The following ZNF518A variants were observed in gnomAD, a reference collection of about 807,000 sequenced individuals.
The protein encoded by ZNF518A is zinc finger protein 518A, also known as zinc finger protein 518.
ZNF518A carries 47 observed loss-of-function variants against 102.7 expected under a neutral mutation model. The ratio of observed to expected loss-of-function variants is 0.46; its 90% confidence interval spans 0.36 to 0.58. The LOEUF (loss-of-function observed/expected upper bound fraction) is 0.58. Ranked by LOEUF, ZNF518A falls within the 20% of genes least tolerant of loss-of-function variation. ZNF518A has a pLI of 0.00. For missense variants in ZNF518A, 1,793 were observed against 1,699.8 expected, an observed-to-expected ratio of 1.05 and a Z score of -0.96; for synonymous variants, 652 against 594.6, an observed-to-expected ratio of 1.10 and a Z score of -1.40.
intron 3 of ZNF518A, among the ~76,000 whole-genome samples, chr10:96,145,966 A>T (rs2082153167): frequency 6.6e-6 from 1 of 152,186 alleles, no homozygotes; most frequent in Non-Finnish European, 1.5e-5. Context: ...CACTGACCTA[A>T]GAGTAACCAG....
intron 4 of ZNF518A, 182 bp downstream of exon 4, chr10:96,155,558 G>A (rs2082658228): frequency 6.6e-6 from 1 of 152,184 alleles, no homozygotes; most frequent in African/African-American, 2.4e-5. Flanking sequence ...TGGTGCTGCT[G>A]TTCTTTTTAA....
At chr10:96,183,142 G>A (rs1186633383) in intron 1 of ZNF518A, among the ~76,000 whole-genome samples, 3 of 152,152 alleles carry the variant, frequency 2.0e-5, no homozygotes, top group African/African-American at 7.2e-5. Context: ...ATGGTACTTT[G>A]TGTTTCTGTG....
At chr10:96,142,305 G>GGGGGGTGTGTGTGTGT (rs1299273019) in intron 3 of ZNF518A, among the ~76,000 whole-genome samples, 1 of 104,048 alleles carries the variant, frequency 9.6e-6, no homozygotes, top group Non-Finnish European at 2.3e-5. Flanking sequence ...ATATTCTTAG[G>GGGGGGTGTGTGTGTGT]GTGTGTGTGT....
rs1554886812 is a variant in ZNF518A, at chr10:96,160,072, T to C, written c.3750T>C (p.Thr1250=). Reference sequence around the variant, plus strand: ...AGAGGAACTTCAATAGAAAAAAGACTTCCAAAAAAATTTTTTCAAAAACAA... The same window carrying C: ...AGAGGAACTTCAATAGAAAAAAGACCTCCAAAAAAATTTTTTCAAAAACAA... ...RIERNFNRKK[T]SKKIFSKTKT... is the part of the protein sequence containing the mutation. The change falls in exon 6 of 6, where the codon ACT becomes ACC. Residue 1250 remains threonine, a synonymous_variant. Transcript: ENST00000316045. The C allele has an allele frequency of 1.2e-6, 2 of 1,609,058 alleles. No individual in the cohort carries two copies. The highest frequency in any genetic ancestry group is 1.7e-6 in the Non-Finnish European group (2 of 1,178,778).
rs2082954812 is a variant in ZNF518A, at chr10:96,160,511, A to G, written c.4189A>G (p.Lys1397Glu). ...GAAACCAGTTTGTTATAACCCTCCT[A>G]AAACAACTTATGATGATTTTTCCAA... The part of the protein sequence containing the change: ...LLKPVCYNPP[K>E]TTYDDFSKRH... Residue 1397 changes from lysine (K) to glutamate (E), a missense_variant, in exon 6 of 6, where the codon AAA becomes GAA. Physicochemically the swap from Lys to Glu is moderately conservative, Grantham distance 56 (BLOSUM62 1). Around this residue, in one of 3 missense-constraint regions of ZNF518A, gnomAD observed 1,741 missense variants for 1,622.6 expected, o/e 1.07. Coordinates refer to ENST00000316045, the MANE Select transcript of ZNF518A (RefSeq NM_001330736.2). The G allele has an allele frequency of 1.2e-6, 2 of 1,612,646 alleles. No individual in the cohort carries two copies. Among genetic ancestry groups the G allele is most frequent in the South Asian group, 2.2e-5 (2 of 90,858 alleles).
intron 1 of ZNF518A, among the ~76,000 whole-genome samples, chr10:96,185,387 A>T (rs2083266009): frequency 6.6e-6 from 1 of 151,992 alleles, no homozygotes; most frequent in Non-Finnish European, 1.5e-5. Flanking sequence ...GAGAAGAGGC[A>T]CTCTGGCTTT....
In ZNF518A at chr10:96,160,416, A is replaced by G; in HGVS notation, c.4094A>G (p.Lys1365Arg). The G allele has an allele frequency of 6.2e-7, 1 of 1,613,178 alleles. No homozygotes were observed. The highest frequency in any genetic ancestry group is 2.2e-5 in the East Asian group (1 of 44,866). The part of the protein sequence containing the change: ...ADAPEVVSVM[K>R]TIAKFNGHVL... ...GCACCAGAAGTAGTAAGTGTAATGAAAACTATTGCTAAATTTAATGGACAT... is the reference window on the plus strand; with the variant it reads ...GCACCAGAAGTAGTAAGTGTAATGAGAACTATTGCTAAATTTAATGGACAT... Residue 1365 changes from lysine to arginine, a missense_variant, in exon 6 of 6, where the codon AAA becomes AGA. Physicochemically the swap from Lys to Arg is conservative, Grantham distance 26. Around this residue, in one of 3 missense-constraint regions of ZNF518A, gnomAD observed 1,741 missense variants for 1,622.6 expected, o/e 1.07. Transcript: ENST00000316045.
intron 1 of ZNF518A, among the ~76,000 whole-genome samples, chr10:96,191,018 G>C (rs1368993598): frequency 7.2e-5 from 11 of 152,130 alleles, no homozygotes; most frequent in African/African-American, 2.7e-4. Flanking sequence ...CCATGGGAGG[G>C]ACCTGGTGGG....
intron 3 of ZNF518A, among the ~76,000 whole-genome samples, chr10:96,153,324 T>C (rs1272586677): frequency 2.0e-5 from 3 of 152,232 alleles, no homozygotes; most frequent in African/African-American, 7.2e-5. Flanking sequence ...CACATCCTGG[T>C]CTCTGGAAAC....
At position 96,131,614 on chromosome 10, in the gene ZNF518A, C is replaced by G. The variant is rs2081342150; in HGVS notation, c.-453+862C>G. On this transcript the variant is annotated intron_variant, in intron 1 of 5. Transcript: ENST00000316045. ...ATAAAATGTAGGTATGTTACACAAC[C>G]AAATGTTTCCTGTTTGTTGCGTGAA... 3.9e-5 allele frequency among the ~76,000 whole-genome samples: 6 copies of G among 152,088 alleles called. No individual in the cohort carries two copies. In the South Asian group the frequency reaches 1.2e-3, roughly 32 times the overall value.
chr10:96,162,963 T>C lies in ZNF518A; in HGVS notation c.*2189T>C, dbSNP rs1191803989. ...GCAAGGTGAGCCATAGAGAGGCTTATAGTCTTCAGTACCCTAACAGCAATA... is the reference window on the plus strand; with the variant it reads ...GCAAGGTGAGCCATAGAGAGGCTTACAGTCTTCAGTACCCTAACAGCAATA... On this transcript the variant is annotated 3_prime_UTR_variant, in exon 6 of 6. Coordinates refer to ENST00000316045, the MANE Select transcript of ZNF518A (RefSeq NM_001330736.2). 6.0e-6 allele frequency: 1 copy of C among 167,002 alleles called. No individual in the cohort carries two copies. Among genetic ancestry groups the C allele is most frequent in the East Asian group, 1.9e-4 (1 of 5,202 alleles). 10.3% of individuals were successfully genotyped at this position (167,002 alleles called of 1,614,324 possible). A position where few individuals can be genotyped will look rare whatever the true frequency, so the allele number is the denominator to read the frequency against.
Position 96,157,519 on chromosome 10 carries a change from G to A in ZNF518A, c.1197G>A (p.Gly399=). 1 of 1,613,802 alleles carries A rather than the reference G, an allele frequency of 6.2e-7. No homozygotes were observed. The highest frequency in any genetic ancestry group is 8.5e-7 in the Non-Finnish European group (1 of 1,179,774). Residue 399 remains glycine (G), a synonymous_variant, in exon 6 of 6, where the codon GGG becomes GGA. Transcript: ENST00000316045. ...AGAAGCCAACTCCTCTGTCCACTGG[G>A]CAAGGTAATAGAGCTGAAGAGGGAC... The part of the protein sequence containing the change: ...ESEKPTPLST[G]QGNRAEEGPN...
At chr10:96,201,136 A>G in intron 1 of ZNF518A, 1 of 1,297,262 alleles carries the variant, frequency 7.7e-7, no homozygotes, top group South Asian at 1.2e-5. Context: ...CTAACACTGT[A>G]CTAGGTGCTG....
At chr10:96,202,055 G>C (rs12779295) in intron 1 of ZNF518A, among the ~76,000 whole-genome samples, 19,165 of 152,116 alleles carry the variant, frequency 0.13, 1,279 homozygotes, top group Middle Eastern at 0.17. Flanking sequence ...GCAAGGCCTG[G>C]CATATCTAAG....
intron 1 of ZNF518A, among the ~76,000 whole-genome samples, chr10:96,174,140 C>G (rs1902698): frequency 4.0e-4 from 61 of 151,706 alleles, no homozygotes; most frequent in Non-Finnish European, 7.1e-4. Context: ...AATAAAAAAA[C>G]TTACTGCAAC....
intron 1 of ZNF518A, among the ~76,000 whole-genome samples, chr10:96,195,239 GA>G (rs2083436337): frequency 6.6e-6 from 1 of 152,030 alleles, no homozygotes; most frequent in African/African-American, 2.4e-5. Context: ...AACTGCTATG[GA>G]AAAAAGTATG....
At chr10:96,164,309 TG>T (rs2083100638), downstream of ZNF518A, among the ~76,000 whole-genome samples, 1 of 152,252 alleles carries the variant, frequency 6.6e-6, no homozygotes, top group Non-Finnish European at 1.5e-5. Flanking sequence ...CAGAGCCATT[TG>T]GGGCGTTGGC....
At position 96,200,846 on chromosome 10, in the gene ZNF518A, A is replaced by G; in HGVS notation, n.36-2728A>G. The G allele has an allele frequency of 1.2e-6, 1 of 855,816 alleles. No individual in the cohort carries two copies. Among genetic ancestry groups the G allele is most frequent in the Non-Finnish European group, 2.0e-6 (1 of 501,534 alleles). The allele number at this position is 855,816 out of a possible 1,614,324, so 53.0% of individuals were successfully genotyped here. ...ACTGGGTATTCTGTCCCTATTACCAAATGACAGTTCACATAATGATGTAAA... is the reference window on the plus strand; with the variant it reads ...ACTGGGTATTCTGTCCCTATTACCAGATGACAGTTCACATAATGATGTAAA... On this transcript the variant is annotated intron_variant and non_coding_transcript_variant, in intron 1 of 2. Transcript: ENST00000442635. This position sits in a 1 kb window ranked among gnomAD's most constrained non-coding sequence, Gnocchi z 4.3.
At chr10:96,190,097 A>G in intron 1 of ZNF518A, 1 of 938,262 alleles carries the variant, frequency 1.1e-6, no homozygotes, top group African/African-American at 1.6e-5. Flanking sequence ...CTTAAGGATA[A>G]CTGGTGCTCA....
Sources: gnomAD v4.1 joint callset for allele counts (sites outside exome capture counted in the v4.1 genomes callset) on GRCh38, gnomAD v4.1.1 for gene constraint, gnomAD v4.1.1 regional missense constraint, Gnocchi (gnomAD v3.1) non-coding constraint, MANE v1.5 for transcripts, NCBI Gene and HGNC (gene_info 2026-07-23, HGNC 2026-07-21) for gene names.